WDR72: variants seen among roughly 807,000 people sequenced by gnomAD.
The protein encoded by WDR72 is WD repeat-containing protein 72.
In WDR72, 120 loss-of-function variants were observed where a neutral mutation model predicts 124.2. The observed-to-expected ratio is 0.97, with a 90% CI of 0.83 to 1.12. WDR72 has a LOEUF of 1.12. Ranked by LOEUF, WDR72 falls within the 50% of genes most tolerant of loss-of-function variation. WDR72 has a pLI of 0.00. For missense variants in WDR72, 1,387 were observed against 1,278.8 expected (o/e 1.08, Z -1.29); for synonymous variants, 452 against 441.7 (o/e 1.02, Z -0.29).
chr15:53,756,680 A>G (rs1358764845), intron 1 of WDR72: 1 of 152,164 alleles, frequency 6.6e-6, no homozygotes. Context: ...CTATATGTTA[A>G]GTTGTAGACA....
At chr15:53,735,871 G>GA (rs2018339208) in intron 1 of WDR72, among the ~76,000 whole-genome samples, 2 of 151,608 alleles carry the variant, frequency 1.3e-5, no homozygotes, top group Admixed American at 1.3e-4. Context: ...AAAACCCAAA[G>GA]AAAAAACCTA....
chr15:53,605,077 T>A (rs2013217962), intron 17 of WDR72, among the ~76,000 whole-genome samples: 1 of 152,114 alleles, frequency 6.6e-6, no homozygotes, highest in African/African-American at 2.4e-5. Context: ...AACAAAGACA[T>A]GGAATAAACC....
chr15:53,649,006 A>C (rs1290750658), intron 14 of WDR72, among the ~76,000 whole-genome samples: 1 of 152,048 alleles, frequency 6.6e-6, no homozygotes, highest in African/African-American at 2.4e-5. Flanking sequence ...TTTACAAGAA[A>C]ATCTTTTAAT....
At chr15:53,699,654 A>G in intron 13 of WDR72, 96 bp downstream of exon 13, 1 of 1,322,316 alleles carries the variant, frequency 7.6e-7, no homozygotes, top group East Asian at 2.3e-5. Context: ...AAAGCAAGTG[A>G]GGTCATCACC....
At chr15:53,761,321 A>C (rs964436393), upstream of WDR72, among the ~76,000 whole-genome samples, 28 of 152,136 alleles carry the variant, frequency 1.8e-4, no homozygotes, top group African/African-American at 5.8e-4. Context: ...GCAATAACAA[A>C]TGCTGGCAAG....
At chr15:53,699,444 G>A (rs1397807379) in intron 13 of WDR72, among the ~76,000 whole-genome samples, 1 of 152,168 alleles carries the variant, frequency 6.6e-6, no homozygotes, top group Admixed American at 6.5e-5. Context: ...AGACCAGTAG[G>A]ACACTAAATT....
intron 18 of WDR72, among the ~76,000 whole-genome samples, chr15:53,571,219 G>C (rs1410796234): frequency 6.6e-6 from 1 of 152,000 alleles, no homozygotes; most frequent in Admixed American, 6.6e-5. Context: ...AGGATCATGA[G>C]AAGCCAAACT....
intron 18 of WDR72, among the ~76,000 whole-genome samples, chr15:53,561,006 A>T (rs974524308): frequency 6.6e-6 from 1 of 151,962 alleles, no homozygotes; most frequent in Admixed American, 6.6e-5. Context: ...TTATTACCAC[A>T]GTCCTTTGTT....
chr15:53,593,524 T>C (rs2012612450), intron 18 of WDR72, among the ~76,000 whole-genome samples: 1 of 151,934 alleles, frequency 6.6e-6, no homozygotes, highest in Non-Finnish European at 1.5e-5. Context: ...ATAGCTGGTT[T>C]GGCAAGGTGG....
chr15:53,618,526 A>G (rs2013858707), intron 14 of WDR72, among the ~76,000 whole-genome samples: 1 of 151,880 alleles, frequency 6.6e-6, no homozygotes, highest in African/African-American at 2.4e-5. Flanking sequence ...TATCCTCTCA[A>G]TGGAATAATG....
rs564035035 is a variant in WDR72, at chr15:53,641,739, G to C, written c.1962+23833C>G. ...ATTTATTTTCTTTTTAATGACTTAT[G>C]AATGGAATTTTAATTCCATTGTACA... On this transcript the variant is annotated intron_variant, in intron 14 of 19. Transcript: ENST00000360509. 2.6e-5 allele frequency among the ~76,000 whole-genome samples: 4 copies of C among 151,700 alleles called. No individual in the cohort carries two copies. The East Asian group carries it at 7.7e-4, about 29-fold the overall frequency.
At chr15:53,657,452 T>C (rs1289444093) in intron 14 of WDR72, among the ~76,000 whole-genome samples, 1 of 152,052 alleles carries the variant, frequency 6.6e-6, no homozygotes, top group Non-Finnish European at 1.5e-5. Context: ...TAATAAATTA[T>C]GCTAACACAG....
chr15:53,548,824 T>C (rs930638963), intron 18 of WDR72, among the ~76,000 whole-genome samples: 4 of 152,128 alleles, frequency 2.6e-5, no homozygotes, highest in African/African-American at 9.7e-5. Context: ...ACAGGAGACA[T>C]GTTTAGAATT....
chr15:53,631,227 G>C (rs112699933), intron 14 of WDR72, among the ~76,000 whole-genome samples: 1 of 152,080 alleles, frequency 6.6e-6, no homozygotes, highest in Non-Finnish European at 1.5e-5. Flanking sequence ...TATAAAAAGT[G>C]TGTGGCATTC....
intron 5 of WDR72, among the ~76,000 whole-genome samples, 183 bp downstream of exon 5, chr15:53,715,010 T>G (rs2017663286): frequency 6.6e-6 from 1 of 152,216 alleles, no homozygotes; most frequent in Admixed American, 6.5e-5. Context: ...TCCAATGTTT[T>G]GAACCACTGG....
At chr15:53,693,218 G>A (rs2016897754) in intron 13 of WDR72, among the ~76,000 whole-genome samples, 1 of 152,178 alleles carries the variant, frequency 6.6e-6, no homozygotes, top group Non-Finnish European at 1.5e-5. Context: ...TATTTTATAT[G>A]TATGGGAATA....
At chr15:53,691,906 T>A (rs2016858035) in intron 13 of WDR72, among the ~76,000 whole-genome samples, 3 of 152,224 alleles carry the variant, frequency 2.0e-5, no homozygotes, top group Admixed American at 1.3e-4. Context: ...TCATGTGGCA[T>A]TACTTGTGCT....
chr15:53,745,065 T>C (rs1240007408), intron 1 of WDR72, among the ~76,000 whole-genome samples: 1 of 150,446 alleles, frequency 6.6e-6, no homozygotes, highest in Non-Finnish European at 1.5e-5. Context: ...AAAATATTAA[T>C]AGAATGAGTC....
At chr15:53,731,367 C>G (rs1467771970) in intron 2 of WDR72, among the ~76,000 whole-genome samples, 1 of 151,958 alleles carries the variant, frequency 6.6e-6, no homozygotes, top group East Asian at 1.9e-4. Flanking sequence ...AATCTAATTC[C>G]TATTCCCAGC....
Sources: allele counts gnomAD v4.1 joint callset (sites outside exome capture counted in the v4.1 genomes callset), GRCh38; gene constraint gnomAD v4.1.1; transcripts MANE v1.5; gene names NCBI Gene and HGNC (gene_info 2026-07-23, HGNC 2026-07-21).